The following SPHKAP variants were observed in gnomAD, a reference collection of about 807,000 sequenced individuals.
SPHKAP encodes A-kinase anchor protein SPHKAP.
SPHKAP carries 67 observed loss-of-function variants against 137.5 expected under a neutral mutation model. The ratio of observed to expected loss-of-function variants is 0.49; its 90% confidence interval spans 0.40 to 0.60. The LOEUF (loss-of-function observed/expected upper bound fraction) is 0.60, where lower values mean the gene tolerates loss of function less well. Ranked by LOEUF, SPHKAP falls within the 20% of genes least tolerant of loss-of-function variation. The pLI is 0.00. For missense variants in SPHKAP, 2,097 were observed against 2,069.3 expected (o/e 1.01, Z -0.26); for synonymous variants, 813 against 785.3 (o/e 1.04, Z -0.59).
At chr2:228,101,078 A>C (rs947231346) in intron 3 of SPHKAP, among the ~76,000 whole-genome samples, 2 of 152,100 alleles carry the variant, frequency 1.3e-5, no homozygotes, top group African/African-American at 4.8e-5. Flanking sequence ...TAAAATGTCT[A>C]TCTCTTGCCC....
chr2:228,021,660 C>T lies in SPHKAP; in HGVS notation c.697+51G>A, dbSNP rs774901580. On this transcript the variant is annotated intron_variant, in intron 6 of 11. Coordinates refer to ENST00000392056, the MANE Select transcript of SPHKAP (RefSeq NM_001142644.2). ...GAACTTTTCTGAAATCTCACCAAGA[C>T]ATTTTTATACGGGGACTAATTTCAG... 9.0e-6 allele frequency: 14 copies of T among 1,557,632 alleles called. No homozygotes were observed. In the East Asian group the frequency reaches 1.6e-4, roughly 17 times the overall value.
At chr2:227,995,797 T>G (rs1382231403) in intron 7 of SPHKAP, 103 bp from the exon 8 acceptor site, 4 of 1,358,784 alleles carry the variant, frequency 2.9e-6, no homozygotes, top group Non-Finnish European at 3.9e-6. Flanking sequence ...AGGATGTCAC[T>G]GGACACAGGC....
intron 3 of SPHKAP, among the ~76,000 whole-genome samples, chr2:228,105,424 A>C (rs1007346651): frequency 6.6e-6 from 1 of 152,180 alleles, no homozygotes; most frequent in South Asian, 2.1e-4. Context: ...CTTTCTTTTA[A>C]ATAATGAGGT....
At chr2:228,161,675 C>T (rs1700279741) in intron 1 of SPHKAP, among the ~76,000 whole-genome samples, 1 of 150,430 alleles carries the variant, frequency 6.6e-6, no homozygotes, top group Non-Finnish European at 1.5e-5. Flanking sequence ...ACCTGCATGT[C>T]CTGCACGTGC....
chr2:228,105,744 T>C (rs1698322082), intron 3 of SPHKAP, among the ~76,000 whole-genome samples: 1 of 152,130 alleles, frequency 6.6e-6, no homozygotes, highest in African/African-American at 2.4e-5. Context: ...GGATTTCCCC[T>C]TTTGCTTGGT....
intron 7 of SPHKAP, chr2:227,996,102 T>C: frequency 1.0e-6 from 1 of 985,100 alleles, no homozygotes; most frequent in South Asian, 4.7e-5. Flanking sequence ...TCCTGGTTGA[T>C]TCTAATGCAA....
intron 9 of SPHKAP, among the ~76,000 whole-genome samples, chr2:227,992,628 CAA>C (rs549810816): frequency 1.1e-3 from 166 of 151,984 alleles, no homozygotes; most frequent in African/African-American, 3.8e-3. Flanking sequence ...GAAAACAAAA[CAA>C]AACAAAAAAA....
intron 3 of SPHKAP, among the ~76,000 whole-genome samples, chr2:228,058,909 C>T (rs1696541816): frequency 6.6e-6 from 1 of 152,194 alleles, no homozygotes; most frequent in South Asian, 2.1e-4. Context: ...ACAATACTAA[C>T]TCTCCCAAGA....
intron 7 of SPHKAP, among the ~76,000 whole-genome samples, chr2:228,007,519 T>C (rs550705245): frequency 2.8e-4 from 42 of 152,184 alleles, no homozygotes; most frequent in African/African-American, 7.9e-4. Flanking sequence ...ACTCTCTCCT[T>C]CTATGAGTTT....
rs139787916 is a variant in SPHKAP at position 227,997,502 on chromosome 2, C to T, written c.4449-1808G>A. On this transcript the variant is annotated intron_variant, in intron 7 of 11. Transcript: ENST00000392056. ...ATCATTTAATGCATTTAGCTTAGTG[C>T]CTGTATATAAGTATCCAATAAGTAT... Among the ~76,000 whole-genome samples, 16 of 152,254 alleles carry T rather than the reference C, an allele frequency of 1.1e-4. No homozygotes were observed. The East Asian group carries it at 3.1e-3, about 29-fold the overall frequency.
intron 3 of SPHKAP, among the ~76,000 whole-genome samples, chr2:228,043,264 T>C (rs1695917503): frequency 6.6e-6 from 1 of 152,188 alleles, no homozygotes; most frequent in African/African-American, 2.4e-5. Context: ...ACACAATGTA[T>C]GAAAGGATAT....
intron 1 of SPHKAP, among the ~76,000 whole-genome samples, chr2:228,168,115 T>C (rs899466087): frequency 2.0e-5 from 3 of 152,170 alleles, no homozygotes; most frequent in African/African-American, 7.2e-5. Flanking sequence ...AATGCACTAA[T>C]CATTTCAAAG....
intron 1 of SPHKAP, among the ~76,000 whole-genome samples, chr2:228,180,860 G>T (rs73997219): frequency 0.035 from 5,269 of 152,266 alleles, 311 homozygotes; most frequent in African/African-American, 0.12. Flanking sequence ...ACAGGAGAAA[G>T]AAACACACCC....
chr2:228,169,579 G>T (rs550491535), intron 1 of SPHKAP, among the ~76,000 whole-genome samples: 1 of 152,018 alleles, frequency 6.6e-6, no homozygotes, highest in South Asian at 2.1e-4. Context: ...CTTGCAAAAT[G>T]TTACTGCTCA....
At chr2:228,172,492 GT>G (rs1200610742) in intron 1 of SPHKAP, among the ~76,000 whole-genome samples, 4 of 152,158 alleles carry the variant, frequency 2.6e-5, no homozygotes, top group Non-Finnish European at 5.9e-5. Context: ...TTGTTAGGTA[GT>G]GATAAGGGTC....
intron 3 of SPHKAP, among the ~76,000 whole-genome samples, chr2:228,094,054 C>T (rs1697904722): frequency 6.6e-6 from 1 of 151,900 alleles, no homozygotes; most frequent in Non-Finnish European, 1.5e-5. Context: ...AACCAACAAT[C>T]TAAATATCTA....
intron 3 of SPHKAP, among the ~76,000 whole-genome samples, chr2:228,042,724 C>T (rs571145322): frequency 3.9e-5 from 6 of 152,266 alleles, no homozygotes; most frequent in Non-Finnish European, 8.8e-5. Context: ...TTTCTATTTA[C>T]TTGGCGTAAG....
At chr2:228,167,625 T>G (rs1358445625) in intron 1 of SPHKAP, among the ~76,000 whole-genome samples, 2 of 152,162 alleles carry the variant, frequency 1.3e-5, no homozygotes, top group Admixed American at 1.3e-4. Flanking sequence ...TGCATTTTTC[T>G]ATGTAAATTA....
chr2:228,005,953 C>G (rs1195636587), intron 7 of SPHKAP, among the ~76,000 whole-genome samples: 1 of 152,202 alleles, frequency 6.6e-6, no homozygotes, highest in Admixed American at 6.5e-5. Flanking sequence ...CCCGACCTTT[C>G]TCTTTGGCTG....
Sources: allele counts gnomAD v4.1 joint callset (sites outside exome capture counted in the v4.1 genomes callset), GRCh38; gene constraint gnomAD v4.1.1; transcripts MANE v1.5; gene names NCBI Gene and HGNC (gene_info 2026-07-23, HGNC 2026-07-21).